The following CMTM8 variants were observed in gnomAD, a reference collection of about 807,000 sequenced individuals.
CMTM8 encodes the protein CKLF like MARVEL transmembrane domain containing 8, also known as CKLF-like MARVEL transmembrane domain-containing protein 8.
Under a neutral mutation model 18.6 loss-of-function variants are expected in CMTM8, and 12 were observed. The ratio of observed to expected loss-of-function variants is 0.65; its 90% CI spans 0.41 to 1.05. CMTM8 has a LOEUF of 1.05. Ranked by LOEUF, CMTM8 falls within the 50% of genes least tolerant of loss-of-function variation. CMTM8 has a pLI of 0.00. For missense variants in CMTM8, 217 were observed against 227.2 expected, an observed-to-expected ratio of 0.95 and a Z score of 0.29; for synonymous variants, 87 against 90.6, an observed-to-expected ratio of 0.96 and a Z score of 0.23.
At chr3:32,346,814 C>CTTTTTTTTTTTTTTTTTTTTTT in intron 1 of CMTM8, among the ~76,000 whole-genome samples, 1 of 131,458 alleles carries the variant, frequency 7.6e-6, no homozygotes, top group Non-Finnish European at 1.7e-5. Flanking sequence ...TGTTATAATT[C>CTTTTTTTTTTTTTTTTTTTTTT]TTTTTTTTTT....
At chr3:32,273,954 T>G (rs1327431625) in intron 1 of CMTM8, among the ~76,000 whole-genome samples, 1 of 152,150 alleles carries the variant, frequency 6.6e-6, no homozygotes, top group African/African-American at 2.4e-5. Flanking sequence ...CCAGGATTCT[T>G]GTTTTATTTA....
At chr3:32,312,184 A>G (rs1255180970) in intron 1 of CMTM8, among the ~76,000 whole-genome samples, 1 of 152,128 alleles carries the variant, frequency 6.6e-6, no homozygotes, top group Non-Finnish European at 1.5e-5. Flanking sequence ...CAACTCGGAG[A>G]TGATTACTTA....
intron 1 of CMTM8, among the ~76,000 whole-genome samples, chr3:32,301,697 G>A (rs1046836744): frequency 2.7e-5 from 4 of 150,566 alleles, no homozygotes; most frequent in African/African-American, 9.8e-5. Flanking sequence ...AATGATTTTG[G>A]TTTCCATCCA....
At chr3:32,261,309 G>C (rs1702255080) in intron 1 of CMTM8, among the ~76,000 whole-genome samples, 1 of 152,084 alleles carries the variant, frequency 6.6e-6, no homozygotes. Flanking sequence ...CTAGCCCTTA[G>C]AATATAGTGG....
intron 1 of CMTM8, among the ~76,000 whole-genome samples, chr3:32,352,420 T>A (rs568723753): frequency 6.6e-6 from 1 of 152,182 alleles, no homozygotes; most frequent in African/African-American, 2.4e-5. Flanking sequence ...TTGTTAGAAG[T>A]GCAGATTCTC....
intron 1 of CMTM8, among the ~76,000 whole-genome samples, chr3:32,254,094 A>G (rs1189983003): frequency 1.3e-5 from 2 of 152,024 alleles, no homozygotes; most frequent in Non-Finnish European, 2.9e-5. Flanking sequence ...GTGTTTTACC[A>G]TGTTGGCCAG....
intron 1 of CMTM8, among the ~76,000 whole-genome samples, chr3:32,253,411 C>A (rs1156232461): frequency 6.8e-6 from 1 of 147,260 alleles, no homozygotes; most frequent in African/African-American, 2.5e-5. Flanking sequence ...TTGGCGCAAT[C>A]TTGGCCCACT....
At chr3:32,347,292 C>T (rs1208015206) in intron 1 of CMTM8, among the ~76,000 whole-genome samples, 5 of 88,470 alleles carry the variant, frequency 5.7e-5, no homozygotes, top group African/African-American at 3.6e-5. Flanking sequence ...GTTTTTTTTG[C>T]TTAGGTTTTT....
intron 1 of CMTM8, among the ~76,000 whole-genome samples, chr3:32,313,637 A>G (rs150792951): frequency 6.6e-6 from 1 of 152,268 alleles, no homozygotes; most frequent in East Asian, 1.9e-4. Flanking sequence ...AATTGTTAAA[A>G]ATGCAGACAT....
intron 1 of CMTM8, among the ~76,000 whole-genome samples, chr3:32,287,501 C>G (rs1219890363): frequency 6.6e-6 from 1 of 151,998 alleles, no homozygotes; most frequent in Admixed American, 6.6e-5. Flanking sequence ...TTGTAGTGTT[C>G]AAATAAATTT....
chr3:32,256,098 T>G (rs1702170640), intron 1 of CMTM8, among the ~76,000 whole-genome samples: 1 of 152,068 alleles, frequency 6.6e-6, no homozygotes, highest in South Asian at 2.1e-4. Flanking sequence ...TGTTTTTTGT[T>G]TTTTGGTTTG....
intron 1 of CMTM8, among the ~76,000 whole-genome samples, chr3:32,274,319 A>C (rs770224859): frequency 6.6e-6 from 1 of 151,704 alleles, no homozygotes; most frequent in Non-Finnish European, 1.5e-5. Flanking sequence ...AAAAAATTTC[A>C]TGTTTTACCC....
intron 1 of CMTM8, among the ~76,000 whole-genome samples, chr3:32,340,700 A>G (rs1696476226): frequency 6.6e-6 from 1 of 152,262 alleles, no homozygotes; most frequent in Non-Finnish European, 1.5e-5. Flanking sequence ...TAGATAATAC[A>G]TTCATGAATA....
intron 1 of CMTM8, among the ~76,000 whole-genome samples, chr3:32,263,913 A>G (rs9838400): frequency 0.92 from 139,464 of 152,172 alleles, 64,430 homozygotes; most frequent in Non-Finnish European, 0.97. Flanking sequence ...AAGAATAAAA[A>G]GAAACGAACA....
At chr3:32,285,902 A>G (rs998320270) in intron 1 of CMTM8, among the ~76,000 whole-genome samples, 10 of 152,304 alleles carry the variant, frequency 6.6e-5, no homozygotes, top group Admixed American at 5.2e-4. Flanking sequence ...AGTGTGTGGC[A>G]CCTGTGTTTT....
chr3:32,356,289 G>A lies in CMTM8; in HGVS notation c.148-1084G>A, dbSNP rs563847247. Among the ~76,000 whole-genome samples the A allele has an allele frequency of 2.6e-5, 4 of 152,330 alleles. No individual in the cohort carries two copies. In the East Asian group the frequency reaches 5.8e-4, roughly 22 times the overall value. On this transcript the variant is annotated intron_variant, in intron 1 of 3. Transcript: ENST00000307526. ...GCGAGCCAGGACTTGCAGGGCTAGA[G>A]CCCACCCTGGACTCCTGTTGCTGTG...
chr3:32,297,440 G>A (rs1041833858), intron 1 of CMTM8, among the ~76,000 whole-genome samples: 25 of 152,216 alleles, frequency 1.6e-4, no homozygotes, highest in Admixed American at 1.2e-3. Context: ...TATGCCTCCC[G>A]AAGTGTTGGG....
intron 2 of CMTM8, among the ~76,000 whole-genome samples, chr3:32,362,372 T>A (rs940464967): frequency 2.0e-5 from 3 of 152,194 alleles, no homozygotes; most frequent in Non-Finnish European, 4.4e-5. Context: ...GTACATACTA[T>A]GTGCTAGATG....
chr3:32,279,902 T>G (rs1047213330), intron 1 of CMTM8, among the ~76,000 whole-genome samples: 1 of 149,544 alleles, frequency 6.7e-6, no homozygotes, highest in Non-Finnish European at 1.5e-5. Flanking sequence ...CTCATAGTGG[T>G]TTTGATTTGC....
Sources: gnomAD v4.1 joint callset for allele counts (sites outside exome capture counted in the v4.1 genomes callset) on GRCh38, gnomAD v4.1.1 for gene constraint, MANE v1.5 for transcripts, NCBI Gene and HGNC (gene_info 2026-07-23, HGNC 2026-07-21) for gene names.